TRPM1: variants seen among roughly 807,000 people sequenced by gnomAD.
TRPM1 encodes the protein TRPM1-203 APA Isoform, Intron 10.
A neutral mutation model predicts 149.4 loss-of-function variants in TRPM1; 113 were observed. That is an observed-to-expected ratio of 0.76 (90% CI 0.65 to 0.88). The LOEUF (loss-of-function observed/expected upper bound fraction) is 0.88. Ranked by LOEUF, TRPM1 falls within the 40% of genes least tolerant of loss-of-function variation. The pLI, the probability that TRPM1 is intolerant of heterozygous loss-of-function variation, is 0.00. For missense variants in TRPM1, 1,976 were observed against 2,038.7 expected (o/e 0.97, Z 0.59); for synonymous variants, 741 against 759.5 (o/e 0.98, Z 0.40).
intron 11 of TRPM1, among the ~76,000 whole-genome samples, chr15:31,051,685 A>C (rs2033952166): frequency 6.6e-6 from 1 of 151,962 alleles, no homozygotes; most frequent in Non-Finnish European, 1.5e-5. Context: ...TTCCTTGACG[A>C]CCTCATTGAC....
chr15:31,070,434 T>A (rs2034508989), intron 3 of TRPM1: 1 of 706,112 alleles, frequency 1.4e-6, no homozygotes. Flanking sequence ...GCCAGTCGAT[T>A]TTAGACACAT....
chr15:31,144,229 C>T (rs2036195118), intron 1 of TRPM1, among the ~76,000 whole-genome samples: 1 of 152,094 alleles, frequency 6.6e-6, no homozygotes, highest in Admixed American at 6.6e-5. Context: ...CACTTGAACC[C>T]AGTTCAAGAC....
intron 19 of TRPM1, 93 bp downstream of exon 19, chr15:31,037,951 C>T: frequency 1.9e-6 from 3 of 1,611,676 alleles, no homozygotes; most frequent in South Asian, 1.1e-5. Context: ...ATACCTTTAA[C>T]CAGTGAGATT....
chr15:31,063,119 C>T lies in TRPM1; in HGVS notation c.964G>A (p.Gly322Arg), dbSNP rs775114053. 88 of 1,614,080 alleles carry T rather than the reference C, an allele frequency of 5.5e-5. No individual in the cohort carries two copies. Among genetic ancestry groups the T allele is most frequent in the South Asian group, 1.6e-4 (15 of 91,088 alleles). ...TTCCTCGCGCGTCAGAAATCCTACC[C>T]GCCTTCTTCACAGTACTTGTGCGCA... ...SFAHKYCEEG[G>R]IINESLREQL... Residue 322 changes from glycine to arginine, a missense_variant and splice_region_variant, in exon 8 of 28, where the codon GGA (glycine) becomes AGA (arginine). By Grantham distance (125) the Gly-to-Arg change is moderately radical. Around this residue, in one of 3 missense-constraint regions of TRPM1, gnomAD observed 1,332 missense variants for 1,347.1 expected, o/e 0.99. Transcript: ENST00000256552.
intron 19 of TRPM1, 33 bp downstream of exon 19, chr15:31,038,011 A>G (rs779066115): frequency 1.2e-6 from 2 of 1,613,834 alleles, no homozygotes; most frequent in African/African-American, 1.3e-5. Flanking sequence ...ACAAGATTAC[A>G]CTGATATGCT....
intron 1 of TRPM1, among the ~76,000 whole-genome samples, chr15:31,116,089 C>T (rs2035794035): frequency 1.3e-5 from 2 of 152,090 alleles, no homozygotes; most frequent in Non-Finnish European, 2.9e-5. Flanking sequence ...GGTTGCATTT[C>T]AATAATTTTG....
chr15:31,063,621 T>C (rs7166442), intron 7 of TRPM1, among the ~76,000 whole-genome samples: 82,902 of 151,812 alleles, frequency 0.55, 23,191 homozygotes, highest in East Asian at 0.82. Context: ...CCACCACACC[T>C]GGCTAATTTT....
intron 27 of TRPM1, among the ~76,000 whole-genome samples, chr15:31,004,968 G>A (rs956457583): frequency 2.0e-5 from 3 of 152,034 alleles, no homozygotes; most frequent in African/African-American, 7.3e-5. Flanking sequence ...TGGGCACAGT[G>A]GTGTGTGCCG....
intron 1 of TRPM1, among the ~76,000 whole-genome samples, chr15:31,142,474 C>A (rs58003608): frequency 0.019 from 2,833 of 152,162 alleles, 91 homozygotes; most frequent in African/African-American, 0.065. Context: ...AAATAATTTC[C>A]TATGTTTCAT....
At chr15:31,032,350 A>G (rs143452264) in intron 22 of TRPM1, among the ~76,000 whole-genome samples, 317 of 152,232 alleles carry the variant, frequency 2.1e-3, no homozygotes, top group African/African-American at 7.3e-3. Flanking sequence ...AAGAAGGGAG[A>G]CAGTATATAT....
chr15:31,072,866 T>A (rs1166861601), intron 3 of TRPM1, among the ~76,000 whole-genome samples: 9 of 151,840 alleles, frequency 5.9e-5, no homozygotes, highest in African/African-American at 1.7e-4. Context: ...AAAACTTGGG[T>A]TATTTATTTT....
At chr15:31,082,111 G>A (rs1275561686) in intron 1 of TRPM1, among the ~76,000 whole-genome samples, 1 of 152,168 alleles carries the variant, frequency 6.6e-6, no homozygotes, top group Non-Finnish European at 1.5e-5. Context: ...AGACCCTGCA[G>A]GTGCCACCTG....
intron 1 of TRPM1, among the ~76,000 whole-genome samples, chr15:31,113,021 G>A (rs924866708): frequency 6.6e-6 from 1 of 152,214 alleles, no homozygotes; most frequent in African/African-American, 2.4e-5. Context: ...AGTGTTCCGT[G>A]TTGGAGCAAT....
intron 1 of TRPM1, among the ~76,000 whole-genome samples, chr15:31,111,354 G>A (rs2035686617): frequency 6.6e-6 from 1 of 152,166 alleles, no homozygotes; most frequent in Non-Finnish European, 1.5e-5. Flanking sequence ...GGGACCTAAT[G>A]GAGGACTTTC....
At position 31,119,809 on chromosome 15, in the gene TRPM1, G is replaced by T. The variant is rs192387768; in HGVS notation, c.54+41097C>A. ...TAGTGTTAATTGAAAGTGGGTTTAG[G>T]TTAGTTTTAAATGTATACTGCAAAC... On this transcript the variant is annotated intron_variant, in intron 1 of 26. Coordinates refer to the TRPM1 transcript ENST00000542188. Among the ~76,000 whole-genome samples, 310 of 152,252 alleles carry T rather than the reference G, an allele frequency of 2.0e-3. 4 individuals carry two copies. Among genetic ancestry groups the T allele is most frequent in the African/African-American group, 7.1e-3 (294 of 41,564 alleles).
Position 31,040,632 on chromosome 15 carries a change from G to A in TRPM1, c.2088-286C>T, listed in dbSNP as rs1044098247. Among the ~76,000 whole-genome samples, 4 of 152,206 alleles carry A rather than the reference G, an allele frequency of 2.6e-5. No individual in the cohort carries two copies. The highest frequency in any genetic ancestry group is 1.9e-4 in the East Asian group (1 of 5,202). On this transcript the variant is annotated intron_variant, in intron 17 of 27. Transcript: ENST00000256552. The surrounding 1 kb of genome is among the most constrained non-coding windows in gnomAD (Gnocchi z 4.2). ...CCTCAGACCCCAGGGACATAGAGACGAGAAGACAAAGTCCCTTCCCTCAAG... is the reference window on the plus strand; with the variant it reads ...CCTCAGACCCCAGGGACATAGAGACAAGAAGACAAAGTCCCTTCCCTCAAG...
At chr15:31,128,379 C>G (rs1040399970) in intron 1 of TRPM1, among the ~76,000 whole-genome samples, 1 of 152,168 alleles carries the variant, frequency 6.6e-6, no homozygotes, top group Non-Finnish European at 1.5e-5. Flanking sequence ...TGGGCTGCAT[C>G]GTCTGTCTTT....
At position 31,046,784 on chromosome 15, in the gene TRPM1, A is replaced by G. The variant is rs551259064; in HGVS notation, c.1764+327T>C. Among the ~76,000 whole-genome samples, 8 of 152,342 alleles carry G rather than the reference A, an allele frequency of 5.3e-5. No individual in the cohort carries two copies. In the East Asian group the frequency reaches 1.5e-3, roughly 29 times the overall value. ...GAGGCTTGAAGCAGGGAATGCAGGCATGTCCCTTGCTTTGGAAGATTATGG... is the reference window on the plus strand; with the variant it reads ...GAGGCTTGAAGCAGGGAATGCAGGCGTGTCCCTTGCTTTGGAAGATTATGG... On this transcript the variant is annotated intron_variant, in intron 15 of 27. Transcript: ENST00000256552.
chr15:31,042,088 T>C lies in TRPM1; in HGVS notation c.1950A>G (p.Ala650=). The stretch of plus-strand genomic sequence containing the variant: ...CTTCCCCTCGCTGCCAGAGGAACAC[T>C]GCCATTTTCTGGCGTTTCATCAGCA... ...WAVLMKRQKM[A]VFLWQRGEES... Residue 650 remains alanine, a synonymous_variant, in exon 17 of 28, where the codon GCA becomes GCG. Transcript: ENST00000256552. The C allele has an allele frequency of 2.5e-6, 4 of 1,614,240 alleles. No individual in the cohort carries two copies. The highest frequency in any genetic ancestry group is 3.4e-6 in the Non-Finnish European group (4 of 1,180,052).
Sources: gnomAD v4.1 joint callset for allele counts (sites outside exome capture counted in the v4.1 genomes callset) on GRCh38, gnomAD v4.1.1 for gene constraint, gnomAD v4.1.1 regional missense constraint, Gnocchi (gnomAD v3.1) non-coding constraint, MANE v1.5 for transcripts, NCBI Gene and HGNC (gene_info 2026-07-23, HGNC 2026-07-21) for gene names.